The following ZDHHC21 variants were observed in gnomAD, a reference collection of about 807,000 sequenced individuals.
ZDHHC21 encodes the protein palmitoyltransferase ZDHHC21.
A neutral mutation model predicts 34.6 loss-of-function variants in ZDHHC21; 15 were observed. That is an observed-to-expected ratio of 0.43 (90% CI 0.29 to 0.67). ZDHHC21 has a LOEUF of 0.67. Among genes scored for constraint, ZDHHC21 ranks in the 30% least tolerant of loss-of-function variants. The probability of loss-of-function intolerance (pLI) is 0.14; values close to 1 mark genes in which losing one functional copy is unlikely to be tolerated. For synonymous variants in ZDHHC21, 142 were observed against 101.8 expected, an observed-to-expected ratio of 1.40 and a Z score of -2.38; for missense variants, 344 against 327.7, an observed-to-expected ratio of 1.05 and a Z score of -0.38.
At chr9:14,620,501 T>C (rs973835575) in intron 8 of ZDHHC21, among the ~76,000 whole-genome samples, 1 of 152,056 alleles carries the variant, frequency 6.6e-6, no homozygotes, top group African/African-American at 2.4e-5. Context: ...CACCAAAAGC[T>C]GGAGAAGTTT....
chr9:14,639,606 T>A (rs748042486), intron 8 of ZDHHC21, among the ~76,000 whole-genome samples: 5 of 152,102 alleles, frequency 3.3e-5, no homozygotes, highest in Non-Finnish European at 7.4e-5. Context: ...CAGATACTCA[T>A]ATGTACCCCA....
chr9:14,677,335 T>C (rs1337729880), intron 3 of ZDHHC21: 5 of 151,984 alleles, frequency 3.3e-5, no homozygotes, highest in East Asian at 1.9e-4. Flanking sequence ...ATCCTCTCAA[T>C]TGGGTCGTAG....
At chr9:14,597,379 A>G in the ZDHHC21 span, among the ~76,000 whole-genome samples, 1 of 152,118 alleles carries the variant, frequency 6.6e-6, no homozygotes, top group Non-Finnish European at 1.5e-5. Context: ...GCAGTATCCT[A>G]CATCCCAGGG....
At chr9:14,658,972 T>C in intron 6 of ZDHHC21, 85 bp from the exon 7 acceptor site, 1 of 1,333,756 alleles carries the variant, frequency 7.5e-7, no homozygotes, top group Non-Finnish European at 1.0e-6. Flanking sequence ...TAAAAACAAA[T>C]AATATCACAT....
intron 8 of ZDHHC21, 75 bp downstream of exon 8, chr9:14,639,821 T>C (rs1829007804): frequency 1.2e-6 from 1 of 853,932 alleles, no homozygotes; most frequent in East Asian, 2.9e-5. Context: ...CTAAACTTCC[T>C]ATAACTTTTG....
the ZDHHC21 span, among the ~76,000 whole-genome samples, chr9:14,596,813 C>T: frequency 1.3e-5 from 2 of 152,134 alleles, no homozygotes; most frequent in Non-Finnish European, 2.9e-5. Context: ...TTGTCTCCTC[C>T]AGAAAGGGCC....
intron 7 of ZDHHC21, among the ~76,000 whole-genome samples, chr9:14,653,976 A>C (rs1215243081): frequency 6.6e-6 from 1 of 152,050 alleles, no homozygotes; most frequent in Non-Finnish European, 1.5e-5. Flanking sequence ...CCAAAATCTC[A>C]GAGAAAGTAG....
At chr9:14,632,200 C>A (rs2133597434) in intron 8 of ZDHHC21, among the ~76,000 whole-genome samples, 1 of 152,132 alleles carries the variant, frequency 6.6e-6, no homozygotes, top group East Asian at 1.9e-4. Flanking sequence ...AAACTACTAT[C>A]AAGCAACAGT....
rs79014533 is a variant in ZDHHC21, at chr9:14,638,702, G to A, written c.621+1194C>T. ...AAAAAAAGGTACCATTAAAAAGTGG[G>A]CATAGGACATGAATATGCATATCTC... On this transcript the variant is annotated intron_variant, in intron 8 of 9. Transcript: ENST00000380916. Among the ~76,000 whole-genome samples, 874 of 151,824 alleles carry A rather than the reference G, an allele frequency of 5.8e-3. 13 individuals are homozygous for A. Among genetic ancestry groups the A allele is most frequent in the African/African-American group, 0.02 (826 of 41,454 alleles).
chr9:14,611,641 A>G lies in ZDHHC21; in HGVS notation c.*7325T>C, dbSNP rs1823318001. On this transcript the variant is annotated 3_prime_UTR_variant, in exon 10 of 10. Transcript: ENST00000380916. ...AGACAGAACTTGGGGTTCACACATA[A>G]TTTTAGGAGCCTCAAGAATAACATA... 6.6e-6 allele frequency: 1 copy of G among 151,974 alleles called. No individual in the cohort carries two copies. The highest frequency in any genetic ancestry group is 2.1e-4 in the South Asian group (1 of 4,830). The allele number at this position is 151,974 out of a possible 1,614,324, so 9.4% of individuals were successfully genotyped here. A position where few individuals can be genotyped will look rare whatever the true frequency, so the allele number is the denominator to read the frequency against.
the ZDHHC21 span, among the ~76,000 whole-genome samples, chr9:14,603,514 G>C: frequency 6.6e-6 from 1 of 152,074 alleles, no homozygotes; most frequent in Non-Finnish European, 1.5e-5. Flanking sequence ...CCCCAGTGTG[G>C]TTTTTACTTC....
intron 2 of ZDHHC21, among the ~76,000 whole-genome samples, chr9:14,687,598 A>T (rs901990976): frequency 6.6e-6 from 1 of 150,756 alleles, no homozygotes; most frequent in Non-Finnish European, 1.5e-5. Flanking sequence ...TTGAAGCTTG[A>T]ACCCAGGAGG....
At chr9:14,650,690 C>T (rs962872547) in intron 7 of ZDHHC21, among the ~76,000 whole-genome samples, 3 of 151,938 alleles carry the variant, frequency 2.0e-5, no homozygotes, top group African/African-American at 4.8e-5. Context: ...AAAGGCTAGG[C>T]AAATAATTCT....
At chr9:14,625,395 G>C (rs1177326967) in intron 8 of ZDHHC21, among the ~76,000 whole-genome samples, 1 of 151,976 alleles carries the variant, frequency 6.6e-6, no homozygotes, top group Non-Finnish European at 1.5e-5. Context: ...ACAAAAGTGA[G>C]AAGGCAACAG....
intron 8 of ZDHHC21, among the ~76,000 whole-genome samples, chr9:14,631,872 G>C (rs772383566): frequency 2.2e-4 from 33 of 152,088 alleles, no homozygotes; most frequent in Non-Finnish European, 1.2e-4. Context: ...AATTACAATA[G>C]TAACATCAAA....
intron 4 of ZDHHC21, among the ~76,000 whole-genome samples, chr9:14,673,856 A>G (rs1253828237): frequency 6.6e-6 from 1 of 152,072 alleles, no homozygotes; most frequent in African/African-American, 2.4e-5. Context: ...TCTATTCTTA[A>G]AACATCTACA....
the ZDHHC21 span, among the ~76,000 whole-genome samples, chr9:14,595,989 G>T: frequency 6.6e-6 from 1 of 152,138 alleles, no homozygotes; most frequent in African/African-American, 2.4e-5. Flanking sequence ...AGTGTAAAAT[G>T]GCATGATCAT....
chr9:14,675,030 A>G (rs555010392), intron 3 of ZDHHC21, among the ~76,000 whole-genome samples: 12 of 152,112 alleles, frequency 7.9e-5, no homozygotes, highest in African/African-American at 2.6e-4. Flanking sequence ...AAATGACAAT[A>G]AAAAGTGAAA....
chr9:14,621,740 A>C (rs1406447009), intron 8 of ZDHHC21, among the ~76,000 whole-genome samples: 1 of 152,124 alleles, frequency 6.6e-6, no homozygotes, highest in Non-Finnish European at 1.5e-5. Context: ...CACCCAGAGC[A>C]ATACAAATTA....
Sources: allele counts gnomAD v4.1 joint callset (sites outside exome capture counted in the v4.1 genomes callset), GRCh38; gene constraint gnomAD v4.1.1; transcripts MANE v1.5; gene names NCBI Gene and HGNC (gene_info 2026-07-23, HGNC 2026-07-21).